ENOX1: variants seen among roughly 807,000 people sequenced by gnomAD.
ENOX1 encodes candidate growth-related and time keeping constitutive hydroquinone (NADH) oxidase.
ENOX1 carries 42 observed loss-of-function variants against 82.5 expected under a neutral mutation model. The observed-to-expected ratio is 0.51, with a 90% CI of 0.40 to 0.66. ENOX1 has a LOEUF of 0.66. Among genes scored for constraint, ENOX1 ranks in the 30% least tolerant of loss-of-function variants. The probability of loss-of-function intolerance (pLI) is 0.00; values close to 1 mark genes in which losing one functional copy is unlikely to be tolerated. For synonymous variants in ENOX1, 271 were observed against 282.2 expected, an observed-to-expected ratio of 0.96 and a Z score of 0.40; for missense variants, 608 against 811.6, an observed-to-expected ratio of 0.75 and a Z score of 3.05.
chr13:43,527,645 T>C (rs1566455275), intron 2 of ENOX1, among the ~76,000 whole-genome samples: 2 of 152,120 alleles, frequency 1.3e-5, no homozygotes, highest in African/African-American at 4.8e-5. Flanking sequence ...ATTCATTCTG[T>C]CATTGAATTT....
intron 2 of ENOX1, among the ~76,000 whole-genome samples, chr13:43,485,830 C>A (rs924196598): frequency 6.6e-6 from 1 of 152,252 alleles, no homozygotes; most frequent in South Asian, 2.1e-4. Flanking sequence ...AATCCCAGCA[C>A]TTTGGGAGGC....
chr13:43,704,797 G>A (rs926036778), intron 1 of ENOX1, among the ~76,000 whole-genome samples: 2 of 152,208 alleles, frequency 1.3e-5, no homozygotes, highest in African/African-American at 2.4e-5. Flanking sequence ...GATTTCAGCA[G>A]CTGTATATTT....
intron 1 of ENOX1, among the ~76,000 whole-genome samples, chr13:43,716,624 T>C (rs1566821735): frequency 6.6e-6 from 1 of 152,050 alleles, no homozygotes; most frequent in Non-Finnish European, 1.5e-5. Context: ...ATTCTACACA[T>C]AGAAAAGCCT....
chr13:43,218,128 A>G (rs1204073813), intron 16 of ENOX1, among the ~76,000 whole-genome samples: 2 of 152,232 alleles, frequency 1.3e-5, no homozygotes, highest in African/African-American at 2.4e-5. Flanking sequence ...AATCCTCGTA[A>G]TTACTTAATA....
intron 14 of ENOX1, among the ~76,000 whole-genome samples, chr13:43,264,160 T>A (rs988898482): frequency 4.3e-4 from 66 of 152,222 alleles, no homozygotes; most frequent in African/African-American, 1.4e-3. Context: ...GACATGCTTT[T>A]GAGATAGGCT....
chr13:43,409,686 T>G (rs1359011507), intron 5 of ENOX1, among the ~76,000 whole-genome samples: 1 of 152,164 alleles, frequency 6.6e-6, no homozygotes, highest in Non-Finnish European at 1.5e-5. Flanking sequence ...ATCTAGAGAT[T>G]TGATGAATTA....
intron 3 of ENOX1, among the ~76,000 whole-genome samples, chr13:43,446,851 A>C (rs569693547): frequency 5.8e-4 from 89 of 152,226 alleles, no homozygotes; most frequent in Admixed American, 1.1e-3. Flanking sequence ...TCTTTGACTA[A>C]AGTTTAGAAT....
At chr13:43,698,497 A>C (rs1208895534) in intron 1 of ENOX1, among the ~76,000 whole-genome samples, 1 of 152,222 alleles carries the variant, frequency 6.6e-6, no homozygotes. Flanking sequence ...TGGTTATAAA[A>C]ATAGACTGTG....
At chr13:43,405,428 T>G (rs1416179550) in intron 5 of ENOX1, among the ~76,000 whole-genome samples, 2 of 152,136 alleles carry the variant, frequency 1.3e-5, no homozygotes, top group African/African-American at 4.8e-5. Context: ...CCTTCCTGCT[T>G]GCCAGGCCCA....
chr13:43,595,448 C>G (rs1052757430), intron 2 of ENOX1, among the ~76,000 whole-genome samples: 7 of 152,056 alleles, frequency 4.6e-5, no homozygotes, highest in African/African-American at 1.7e-4. Flanking sequence ...TTCTAGGGTA[C>G]ATGTGCACAA....
At chr13:43,698,913 A>T (rs1224022192) in intron 1 of ENOX1, among the ~76,000 whole-genome samples, 1 of 152,236 alleles carries the variant, frequency 6.6e-6, no homozygotes, top group African/African-American at 2.4e-5. Context: ...ACTAGTAAAG[A>T]GCCTGTGAAA....
intron 1 of ENOX1, among the ~76,000 whole-genome samples, chr13:43,742,762 G>C (rs1402099754): frequency 1.3e-5 from 2 of 152,160 alleles, no homozygotes; most frequent in African/African-American, 4.8e-5. Flanking sequence ...TGGATGTTTT[G>C]GAAGTTGAGC....
At chr13:43,365,567 C>A (rs1442248737) in intron 5 of ENOX1, among the ~76,000 whole-genome samples, 1 of 152,184 alleles carries the variant, frequency 6.6e-6, no homozygotes, top group Non-Finnish European at 1.5e-5. Flanking sequence ...GGTTCAGACC[C>A]AGCCCAGGGG....
intron 2 of ENOX1, among the ~76,000 whole-genome samples, chr13:43,554,896 AC>A (rs1385904061): frequency 4.6e-5 from 7 of 151,944 alleles, no homozygotes; most frequent in Non-Finnish European, 8.8e-5. Context: ...AGGTTTTTTG[AC>A]CCCTAGCCCA....
intron 3 of ENOX1, among the ~76,000 whole-genome samples, chr13:43,430,346 G>C (rs1043695675): frequency 6.6e-6 from 1 of 152,196 alleles, no homozygotes; most frequent in Non-Finnish European, 1.5e-5. Context: ...AAGATGTAGA[G>C]GTTAGGGAAG....
intron 3 of ENOX1, among the ~76,000 whole-genome samples, chr13:43,474,350 A>G (rs1377115619): frequency 6.6e-6 from 1 of 152,122 alleles, no homozygotes; most frequent in African/African-American, 2.4e-5. Flanking sequence ...TCCCTATATT[A>G]ATTTTGTCTC....
chr13:43,595,248 G>GTAA (rs1404732003), intron 2 of ENOX1, among the ~76,000 whole-genome samples: 2 of 151,808 alleles, frequency 1.3e-5, no homozygotes, highest in African/African-American at 4.8e-5. Context: ...AGTTTGTAGA[G>GTAA]TAATAGCAGG....
At chr13:43,368,369 A>G (rs776223622) in intron 5 of ENOX1, among the ~76,000 whole-genome samples, 43 of 152,210 alleles carry the variant, frequency 2.8e-4, no homozygotes, top group Non-Finnish European at 5.9e-4. Context: ...AAAATATGAC[A>G]TGACACGAAG....
At chr13:43,606,094 A>G (rs2081965395) in intron 2 of ENOX1, among the ~76,000 whole-genome samples, 1 of 152,238 alleles carries the variant, frequency 6.6e-6, no homozygotes, top group Non-Finnish European at 1.5e-5. Flanking sequence ...AATGCAAATC[A>G]AAAGTACTAT....
Sources: gnomAD v4.1 joint callset for allele counts (sites outside exome capture counted in the v4.1 genomes callset) on GRCh38, gnomAD v4.1.1 for gene constraint, MANE v1.5 for transcripts, NCBI Gene and HGNC (gene_info 2026-07-23, HGNC 2026-07-21) for gene names.